The following ADTRP variants were observed in gnomAD, a reference collection of about 807,000 sequenced individuals.
ADTRP encodes the protein androgen dependent TFPI regulating protein.
ADTRP carries 20 observed loss-of-function variants against 27.0 expected under a neutral mutation model. That is an observed-to-expected ratio of 0.74 (90% CI 0.52 to 1.08). ADTRP has a LOEUF of 1.08. Ranked by LOEUF, ADTRP falls within the 50% of genes least tolerant of loss-of-function variation. The pLI is 0.00. For synonymous variants in ADTRP, 101 were observed against 105.2 expected (o/e 0.96, Z 0.25); for missense variants, 251 against 275.0 (o/e 0.91, Z 0.62).
intron 1 of ADTRP, chr6:11,770,072 T>A: frequency 5.2e-6 from 8 of 1,551,452 alleles, no homozygotes; most frequent in Non-Finnish European, 7.0e-6. Flanking sequence ...AACCCAGCAG[T>A]CCTGTTCTTG....
chr6:11,742,481 T>C (rs752616488), intron 3 of ADTRP, among the ~76,000 whole-genome samples: 4 of 152,218 alleles, frequency 2.6e-5, no homozygotes, highest in Non-Finnish European at 5.9e-5. Flanking sequence ...TGGGCTTCTA[T>C]TGTTGAGATT....
At chr6:11,743,354 C>T (rs2113262158) in intron 3 of ADTRP, among the ~76,000 whole-genome samples, 1 of 152,322 alleles carries the variant, frequency 6.6e-6, no homozygotes, top group Non-Finnish European at 1.5e-5. Context: ...TTAATGTGGT[C>T]TGCAGAGGTC....
rs150039133 is a variant in ADTRP at position 11,735,246 on chromosome 6, A to G, written c.506+322T>C. On this transcript the variant is annotated intron_variant, in intron 4 of 5. Coordinates refer to ENST00000414691, the MANE Select transcript of ADTRP (RefSeq NM_032744.4). The stretch of plus-strand genomic sequence containing the variant: ...ATCCCTCAGCCATTCAAGCATGTTC[A>G]TTGAAGATAGAACCAAGGAGCAACA... Among the ~76,000 whole-genome samples, 338 of 152,368 alleles carry G rather than the reference A, an allele frequency of 2.2e-3. 4 individuals are homozygous for G. Among genetic ancestry groups the G allele is most frequent in the African/African-American group, 7.7e-3 (322 of 41,590 alleles).
chr6:11,717,401 G>A (rs1432104227), intron 5 of ADTRP: 14 of 1,304,174 alleles, frequency 1.1e-5, no homozygotes, highest in South Asian at 4.9e-5. Flanking sequence ...ATCTTTGCAA[G>A]ATCTGAACAG....
chr6:11,730,122 C>T (rs1762339500), intron 4 of ADTRP, among the ~76,000 whole-genome samples: 1 of 152,188 alleles, frequency 6.6e-6, no homozygotes, highest in South Asian at 2.1e-4. Context: ...AGATGAGATA[C>T]CCTCTCCTCT....
chr6:11,743,226 T>A (rs1333985870), intron 3 of ADTRP, among the ~76,000 whole-genome samples: 1 of 152,348 alleles, frequency 6.6e-6, no homozygotes, highest in South Asian at 2.1e-4. Flanking sequence ...CTTAAAGAGA[T>A]GATAAACTCT....
Position 11,717,423 on chromosome 6 carries a change from A to G in ADTRP, c.659-2911T>C, listed in dbSNP as rs755907453. 104 of 1,303,714 alleles carry G rather than the reference A, an allele frequency of 8.0e-5. No homozygotes were observed. The South Asian group carries it at 1.2e-3, about 15-fold the overall frequency. The allele number at this position is 1,303,714 out of a possible 1,614,324, so 80.8% of individuals were successfully genotyped here. On this transcript the variant is annotated intron_variant, in intron 5 of 5. Transcript: ENST00000414691. ...CAAGATCTGAACAGAAACTGCAGGC[A>G]TGGCCAAGAAATTATTGTTTCAATC... is the stretch of plus-strand genomic sequence containing the variant.
At chr6:11,725,207 A>G (rs920683470) in intron 4 of ADTRP, among the ~76,000 whole-genome samples, 2 of 152,240 alleles carry the variant, frequency 1.3e-5, no homozygotes, top group Non-Finnish European at 2.9e-5. Context: ...CTCTGCAACA[A>G]AGGACACAAT....
chr6:11,777,753 C>T (rs1764007632), intron 1 of ADTRP, among the ~76,000 whole-genome samples: 2 of 152,122 alleles, frequency 1.3e-5, no homozygotes, highest in Admixed American at 1.3e-4. Context: ...CAGAGTGTCA[C>T]AGTTTCTGAC....
rs376217247 is a variant in ADTRP, at chr6:11,758,648, A to G, written c.390+7626T>C. 5.4e-4 allele frequency among the ~76,000 whole-genome samples: 81 copies of G among 150,952 alleles called. 1 individual carries two copies. The South Asian group carries it at 0.015, about 28-fold the overall frequency. On this transcript the variant is annotated intron_variant, in intron 3 of 5. Transcript: ENST00000414691. ...ACGAGTTAATGGGTGCAGCACACCA[A>G]CATGGCACATGTATACATATGTAAC...
chr6:11,716,701 T>TTTTTTCTTTTTC (rs1301913821), intron 5 of ADTRP, among the ~76,000 whole-genome samples: 1 of 136,154 alleles, frequency 7.3e-6, no homozygotes, highest in Non-Finnish European at 1.6e-5. Flanking sequence ...TGACCATGCT[T>TTTTTTCTTTTTC]TTTTTCTTTT....
chr6:11,757,832 G>C (rs1763261621), intron 3 of ADTRP, among the ~76,000 whole-genome samples: 1 of 152,292 alleles, frequency 6.6e-6, no homozygotes, highest in South Asian at 2.1e-4. Flanking sequence ...AGAGAGTATG[G>C]CTCTGCCAGC....
chr6:11,773,406 G>A lies in ADTRP; in HGVS notation c.154-5023C>T, dbSNP rs554541075. On this transcript the variant is annotated intron_variant, in intron 1 of 5. Coordinates refer to ENST00000414691, the MANE Select transcript of ADTRP (RefSeq NM_032744.4). ...GGCAAAAAGGGAGAAGGATTGAAGT[G>A]GGGGAGGCTAAGTGCTGGGCAGTTG... Among the ~76,000 whole-genome samples the A allele has an allele frequency of 1.0e-3, 152 of 152,334 alleles. No individual in the cohort carries two copies. In the South Asian group the frequency reaches 0.029, roughly 29 times the overall value.
intron 1 of ADTRP, among the ~76,000 whole-genome samples, chr6:11,770,737 T>A (rs145788547): frequency 1.3e-5 from 2 of 152,248 alleles, no homozygotes; most frequent in East Asian, 3.9e-4. Flanking sequence ...AGAATTTGGA[T>A]GTGTAGTCAT....
chr6:11,721,162 G>C (rs1762013262), intron 5 of ADTRP, among the ~76,000 whole-genome samples: 1 of 152,240 alleles, frequency 6.6e-6, no homozygotes, highest in Non-Finnish European at 1.5e-5. Context: ...ACCAGGGAAG[G>C]CTTCCTGGAA....
intron 4 of ADTRP, among the ~76,000 whole-genome samples, chr6:11,727,825 A>G (rs210899): frequency 0.83 from 125,538 of 151,790 alleles, 52,093 homozygotes; most frequent in East Asian, 1. Context: ...AGAGGCGTGA[A>G]TGAGGACAGA....
At chr6:11,775,186 C>A (rs930237620) in intron 1 of ADTRP, among the ~76,000 whole-genome samples, 1 of 152,076 alleles carries the variant, frequency 6.6e-6, no homozygotes, top group Non-Finnish European at 1.5e-5. Context: ...CCCGCAACAA[C>A]CTAGGTGCTC....
intron 3 of ADTRP, among the ~76,000 whole-genome samples, chr6:11,747,915 C>CT (rs1251215368): frequency 2.0e-5 from 3 of 152,174 alleles, no homozygotes; most frequent in Admixed American, 2.0e-4. Flanking sequence ...ACTCTGCCTC[C>CT]TTTTTTCTTT....
At chr6:11,756,181 G>A (rs1190868364) in intron 3 of ADTRP, among the ~76,000 whole-genome samples, 1 of 152,032 alleles carries the variant, frequency 6.6e-6, no homozygotes, top group Non-Finnish European at 1.5e-5. Context: ...ATTCAACATG[G>A]TGAAACCCCA....
Sources: allele counts gnomAD v4.1 joint callset (sites outside exome capture counted in the v4.1 genomes callset), GRCh38; gene constraint gnomAD v4.1.1; transcripts MANE v1.5; gene names NCBI Gene and HGNC (gene_info 2026-07-23, HGNC 2026-07-21).